Variants in FERMT1 observed in about 807,000 individuals in gnomAD.
FERMT1 encodes FERM domain containing kindlin 1.
FERMT1 carries 60 observed loss-of-function variants against 85.3 expected under a neutral mutation model. The observed-to-expected ratio is 0.70, with a 90% CI of 0.57 to 0.87. The LOEUF (loss-of-function observed/expected upper bound fraction) is 0.87, where lower values mean the gene tolerates loss of function less well. Ranked by LOEUF, FERMT1 falls within the 40% of genes least tolerant of loss-of-function variation. The pLI, the probability that FERMT1 is intolerant of heterozygous loss-of-function variation, is 0.00. For synonymous variants in FERMT1, 275 were observed against 301.1 expected (o/e 0.91, Z 0.90); for missense variants, 701 against 818.9 (o/e 0.86, Z 1.76).
rs1258381290 is a variant in FERMT1, at chr20:6,104,162, C to T, written c.849+3370G>A. ...CTGTGATTACAGGCATGAGCCCCTG[C>T]GCCCGGCTGAGTCTATTATTTTTGA... On this transcript the variant is annotated intron_variant, in intron 6 of 14. Coordinates refer to ENST00000217289, the MANE Select transcript of FERMT1 (RefSeq NM_017671.5). This position sits in a 1 kb window ranked among gnomAD's most constrained non-coding sequence, Gnocchi z 4.2. 4.6e-5 allele frequency among the ~76,000 whole-genome samples: 7 copies of T among 152,060 alleles called. No homozygotes were observed. The highest frequency in any genetic ancestry group is 6.6e-5 in the Admixed American group (1 of 15,250).
In FERMT1 at chr20:6,110,506, G is replaced by GACTT; in HGVS notation, c.534_537dup (p.Pro180LysfsTer7). 1 of 1,613,448 alleles carries GACTT rather than the reference G, an allele frequency of 6.2e-7. No individual in the cohort carries two copies. Among genetic ancestry groups the GACTT allele is most frequent in the Non-Finnish European group, 8.5e-7 (1 of 1,179,406 alleles). ...GTCATGGTTTTACTGTATAAACCAG[G>GACTT]ACTTACTGCAAGGCAGGGGGATCAA... is the stretch of plus-strand genomic sequence containing the variant. On this transcript the variant is annotated frameshift_variant, in exon 5 of 15. Coordinates refer to ENST00000217289, the MANE Select transcript of FERMT1 (RefSeq NM_017671.5). LOFTEE classifies it high-confidence loss of function.
At chr20:6,087,111 G>A (rs1022187887) in intron 11 of FERMT1, among the ~76,000 whole-genome samples, 3 of 152,028 alleles carry the variant, frequency 2.0e-5, no homozygotes, top group African/African-American at 4.8e-5. Context: ...GTGTTGCTAC[G>A]TGCCCTCTCA....
chr20:6,089,797 T>A (rs1200849244), intron 9 of FERMT1, among the ~76,000 whole-genome samples: 1 of 152,164 alleles, frequency 6.6e-6, no homozygotes, highest in Non-Finnish European at 1.5e-5. Context: ...GCCAGAAAAC[T>A]TTATACAGTG....
intron 7 of FERMT1, 71 bp downstream of exon 7, chr20:6,097,453 G>T: frequency 2.0e-6 from 2 of 1,014,998 alleles, no homozygotes; most frequent in Non-Finnish European, 3.2e-6. Flanking sequence ...CCAGTATGAA[G>T]CATATGAAAC....
chr20:6,082,221 C>T (rs1006159302), intron 13 of FERMT1, among the ~76,000 whole-genome samples: 4 of 152,166 alleles, frequency 2.6e-5, no homozygotes, highest in East Asian at 1.9e-4. Flanking sequence ...GAGTTGTCAC[C>T]GGAAAGTTGT....
chr20:6,112,369 T>C (rs1982974208), intron 4 of FERMT1, 108 bp downstream of exon 4: 2 of 1,131,908 alleles, frequency 1.8e-6, no homozygotes, highest in Admixed American at 3.5e-5. Context: ...TCACATCAGT[T>C]CTGCAATTTT....
chr20:6,115,809 A>G lies in FERMT1; in HGVS notation c.385+2T>C, dbSNP rs1411462678. On this transcript the variant is annotated splice_donor_variant, in intron 3 of 14. Transcript: ENST00000217289. LOFTEE classifies it high-confidence loss of function. ...GCACAGGGGCCTTTCCTGGGTACTTACTCAGGATTTTGCAGATATCACTGA... is the reference window on the plus strand; with the variant it reads ...GCACAGGGGCCTTTCCTGGGTACTTGCTCAGGATTTTGCAGATATCACTGA... 13 of 1,610,696 alleles carry G rather than the reference A, an allele frequency of 8.1e-6. No homozygotes were observed. Among genetic ancestry groups the G allele is most frequent in the South Asian group, 1.1e-5 (1 of 91,002 alleles).
chr20:6,092,954 C>A (rs570615574), intron 9 of FERMT1, among the ~76,000 whole-genome samples: 302 of 151,778 alleles, frequency 2.0e-3, no homozygotes, highest in Non-Finnish European at 2.4e-3. Context: ...ATTTATAATT[C>A]TTTTATTTTA....
At chr20:6,120,826 G>T (rs1193425648) in intron 1 of FERMT1, among the ~76,000 whole-genome samples, 3 of 152,182 alleles carry the variant, frequency 2.0e-5, no homozygotes, top group African/African-American at 7.2e-5. Flanking sequence ...TTTCTTAACA[G>T]GCTCCAGATG....
intron 13 of FERMT1, among the ~76,000 whole-genome samples, chr20:6,081,083 T>C (rs1981981586): frequency 6.6e-6 from 1 of 151,860 alleles, no homozygotes; most frequent in Non-Finnish European, 1.5e-5. Context: ...AGCCAAGAGA[T>C]TGAGAGCAGC....
chr20:6,088,859 G>C, intron 10 of FERMT1, 106 bp downstream of exon 10: 1 of 1,108,234 alleles, frequency 9.0e-7, no homozygotes, highest in South Asian at 1.3e-5. Flanking sequence ...CCTGACCTCA[G>C]GTGATCCGCC....
Position 6,076,376 on chromosome 20 carries a change from G to A in FERMT1, c.*797C>T, listed in dbSNP as rs1981820880. On this transcript the variant is annotated 3_prime_UTR_variant, in exon 15 of 15. Coordinates refer to ENST00000217289, the MANE Select transcript of FERMT1 (RefSeq NM_017671.5). ...CCCAGAGTAGAAGCAGTGGAGACAT[G>A]GATCTGGGTTGAGAAATGGGTTTTC... 2.6e-5 allele frequency: 13 copies of A among 495,592 alleles called. No homozygotes were observed. Among genetic ancestry groups the A allele is most frequent in the South Asian group, 1.9e-4 (13 of 67,222 alleles). 30.7% of individuals were successfully genotyped at this position (495,592 alleles called of 1,614,324 possible).
At chr20:6,100,246 ATTAG>A (rs1382472887) in intron 6 of FERMT1, among the ~76,000 whole-genome samples, 8 of 152,354 alleles carry the variant, frequency 5.3e-5, no homozygotes, top group African/African-American at 7.2e-5. Flanking sequence ...ACAAGGAAAT[ATTAG>A]TTAGCATTAA....
intron 5 of FERMT1, among the ~76,000 whole-genome samples, chr20:6,108,952 T>G (rs1982869368): frequency 6.6e-6 from 1 of 152,180 alleles, no homozygotes; most frequent in Non-Finnish European, 1.5e-5. Context: ...CTTTCTGCAA[T>G]GAGAGAAATA....
chr20:6,110,200 A>C (rs1982905132), intron 5 of FERMT1, 98 bp downstream of exon 5: 1 of 1,065,916 alleles, frequency 9.4e-7, no homozygotes, highest in African/African-American at 1.6e-5. Context: ...AATAAAGCAC[A>C]ATCCCTAGGC....
chr20:6,112,151 C>T (rs1358593871), intron 4 of FERMT1, among the ~76,000 whole-genome samples: 5 of 152,156 alleles, frequency 3.3e-5, no homozygotes, highest in African/African-American at 4.8e-5. Flanking sequence ...GCTGGGATTA[C>T]AAGCATGAGG....
At chr20:6,083,793 T>TA (rs928442870) in intron 13 of FERMT1, among the ~76,000 whole-genome samples, 17 of 151,460 alleles carry the variant, frequency 1.1e-4, no homozygotes, top group South Asian at 4.2e-4. Flanking sequence ...GTAGTTATCC[T>TA]AAAAAAAACC....
At chr20:6,107,387 G>T (rs145921933) in intron 6 of FERMT1, 145 bp downstream of exon 6, 217 of 521,396 alleles carry the variant, frequency 4.2e-4, no homozygotes, top group African/African-American at 3.9e-3. Flanking sequence ...AGAGACCAGG[G>T]TCCATGTATC....
At chr20:6,082,978 C>A (rs1325812967) in intron 13 of FERMT1, among the ~76,000 whole-genome samples, 1 of 151,822 alleles carries the variant, frequency 6.6e-6, no homozygotes, top group Non-Finnish European at 1.5e-5. Flanking sequence ...TGAATAGACT[C>A]CCCTGTTAGA....
Sources: gnomAD v4.1 joint callset for allele counts (sites outside exome capture counted in the v4.1 genomes callset) on GRCh38, gnomAD v4.1.1 for gene constraint, Gnocchi (gnomAD v3.1) non-coding constraint, MANE v1.5 for transcripts, NCBI Gene and HGNC (gene_info 2026-07-23, HGNC 2026-07-21) for gene names.